The following PRDM5 variants were observed in gnomAD, a reference collection of about 807,000 sequenced individuals.
PRDM5 encodes PR/SET domain 5, also known as PR domain zinc finger protein 5.
Under a neutral mutation model 81.2 loss-of-function variants are expected in PRDM5, and 56 were observed. The observed-to-expected ratio is 0.69, with a 90% CI of 0.56 to 0.86. The LOEUF is 0.86. PRDM5 is among the 40% of genes least tolerant of loss of function. PRDM5 has a pLI of 0.00. For synonymous variants in PRDM5, 267 were observed against 256.4 expected, an observed-to-expected ratio of 1.04 and a Z score of -0.39; for missense variants, 697 against 770.1, an observed-to-expected ratio of 0.91 and a Z score of 1.12.
At chr4:120,877,005 G>T (rs1762390372) in intron 2 of PRDM5, among the ~76,000 whole-genome samples, 1 of 152,018 alleles carries the variant, frequency 6.6e-6, no homozygotes, top group African/African-American at 2.4e-5. Flanking sequence ...AACCTATCCA[G>T]AAAAATCTTA....
chr4:120,834,635 T>C (rs898401642), intron 3 of PRDM5, among the ~76,000 whole-genome samples: 2 of 152,186 alleles, frequency 1.3e-5, no homozygotes, highest in African/African-American at 2.4e-5. Flanking sequence ...TCAAATATTA[T>C]TCTGTGTGTT....
chr4:120,773,720 T>C (rs775520672), intron 13 of PRDM5, among the ~76,000 whole-genome samples: 4 of 152,216 alleles, frequency 2.6e-5, no homozygotes, highest in Non-Finnish European at 4.4e-5. Flanking sequence ...TCCACTGTAA[T>C]AACACCCAAA....
At chr4:120,879,915 A>G (rs1762679644) in intron 2 of PRDM5, among the ~76,000 whole-genome samples, 1 of 152,146 alleles carries the variant, frequency 6.6e-6, no homozygotes. Context: ...GGGGCAGTGA[A>G]ACTATTCTAT....
rs540527600 is a variant in PRDM5 at position 120,804,508 on chromosome 4, T to C, written c.946-4763A>G. 2.5e-3 allele frequency among the ~76,000 whole-genome samples: 388 copies of C among 152,194 alleles called. 1 individual carries two copies. The highest frequency in any genetic ancestry group is 9.0e-3 in the African/African-American group (372 of 41,550). The stretch of plus-strand genomic sequence containing the variant: ...AAATTATAACAAACTATCTATCAGA[T>C]CACAGTGCAATCAAACTAGAACTCA... On this transcript the variant is annotated intron_variant, in intron 8 of 15. Coordinates refer to ENST00000264808, the MANE Select transcript of PRDM5 (RefSeq NM_018699.4).
chr4:120,759,074 G>A (rs776164741), intron 13 of PRDM5, among the ~76,000 whole-genome samples: 1 of 150,414 alleles, frequency 6.6e-6, no homozygotes, highest in Non-Finnish European at 1.5e-5. Context: ...TACTCTTAAC[G>A]GTGGCAGTTA....
intron 2 of PRDM5, among the ~76,000 whole-genome samples, chr4:120,872,396 T>C (rs989380141): frequency 6.6e-6 from 1 of 152,064 alleles, no homozygotes; most frequent in Non-Finnish European, 1.5e-5. Context: ...TATTGCACAC[T>C]ACAGCACAGA....
At chr4:120,746,325 A>C (rs1219810368) in intron 14 of PRDM5, among the ~76,000 whole-genome samples, 52 of 148,412 alleles carry the variant, frequency 3.5e-4, no homozygotes, top group Admixed American at 1.1e-3. Context: ...AAAACCATAA[A>C]AACCCTAGAA....
rs1000297934 is a variant in PRDM5 at position 120,778,428 on chromosome 4, C to T, written c.1444-1147G>A. Reference sequence around the variant, plus strand: ...AAGGGGTGGGGCAATTACCTCATCACCTGACAACATCAAAGAACCATCACC... The same window carrying T: ...AAGGGGTGGGGCAATTACCTCATCATCTGACAACATCAAAGAACCATCACC... On this transcript the variant is annotated intron_variant, in intron 12 of 15. Transcript: ENST00000264808. 9.2e-5 allele frequency among the ~76,000 whole-genome samples: 14 copies of T among 152,110 alleles called. 1 individual carries two copies. The highest frequency in any genetic ancestry group is 9.2e-4 in the Admixed American group (14 of 15,260).
At chr4:120,918,635 A>AT (rs534148936) in intron 1 of PRDM5, among the ~76,000 whole-genome samples, 63,512 of 110,664 alleles carry the variant, frequency 0.57, 17,551 homozygotes, top group Non-Finnish European at 0.63. Flanking sequence ...TACGTCAGGT[A>AT]TTTTTTTTTT....
chr4:120,744,352 A>G (rs1241799417), intron 14 of PRDM5, among the ~76,000 whole-genome samples: 1 of 152,190 alleles, frequency 6.6e-6, no homozygotes, highest in Non-Finnish European at 1.5e-5. Flanking sequence ...TTGACACCCT[A>G]ACATCACAAT....
rs1172474004 is a variant in PRDM5, at chr4:120,816,540, CA to C, written c.777del (p.Asp259GlufsTer15). The C allele has an allele frequency of 6.2e-7, 1 of 1,614,052 alleles. No homozygotes were observed. The highest frequency in any genetic ancestry group is 1.3e-5 in the African/African-American group (1 of 74,940). ...CTGTCAGCCTTGCACACAAACCTGG[CA>C]TCCCCCCGGCAAGTCTCCTGGTGCT... ...FEQHQETCRG[D>X]ARFVCKADSC... On this transcript the variant is annotated frameshift_variant, in exon 7 of 16. Transcript: ENST00000264808. LOFTEE classifies it high-confidence loss of function.
intron 2 of PRDM5, chr4:120,896,714 C>T (rs1337242200): frequency 6.6e-6 from 1 of 151,358 alleles, no homozygotes; most frequent in Non-Finnish European, 1.5e-5. Flanking sequence ...GATGGAATCT[C>T]GCTCTTTCAC....
chr4:120,910,445 C>T (rs1368448755), intron 1 of PRDM5, among the ~76,000 whole-genome samples: 1 of 152,050 alleles, frequency 6.6e-6, no homozygotes, highest in Non-Finnish European at 1.5e-5. Context: ...CTACCCAATC[C>T]TTCTCTCTCT....
chr4:120,747,681 G>C (rs527633375), intron 14 of PRDM5, among the ~76,000 whole-genome samples: 1 of 152,142 alleles, frequency 6.6e-6, no homozygotes, highest in South Asian at 2.1e-4. Context: ...TGAGGATCAG[G>C]GATAAGAAAG....
intron 13 of PRDM5, among the ~76,000 whole-genome samples, chr4:120,756,957 C>A (rs971436776): frequency 2.6e-5 from 4 of 152,134 alleles, no homozygotes; most frequent in African/African-American, 9.7e-5. Flanking sequence ...CTTTGTATCA[C>A]ATAGCTTTAC....
At chr4:120,766,033 C>T (rs927813658) in intron 13 of PRDM5, among the ~76,000 whole-genome samples, 6 of 150,560 alleles carry the variant, frequency 4.0e-5, no homozygotes, top group Admixed American at 6.6e-5. Context: ...GATCTCAGCT[C>T]ACTGCAACCT....
chr4:120,869,432 A>G (rs1446078538), intron 2 of PRDM5, among the ~76,000 whole-genome samples: 2 of 152,216 alleles, frequency 1.3e-5, no homozygotes, highest in African/African-American at 4.8e-5. Flanking sequence ...TAAAAAGTTC[A>G]TTGAATTCAC....
chr4:120,762,710 T>C (rs1017200206), intron 13 of PRDM5: 4 of 152,174 alleles, frequency 2.6e-5, no homozygotes, highest in Non-Finnish European at 5.9e-5. Flanking sequence ...TCTTGGCATC[T>C]TTCTGTAATT....
Position 120,816,673 on chromosome 4 carries a change from G to A in PRDM5, c.744-99C>T, listed in dbSNP as rs947443625. On this transcript the variant is annotated intron_variant, in intron 6 of 15. Coordinates refer to ENST00000264808, the MANE Select transcript of PRDM5 (RefSeq NM_018699.4). ...ATTTTGTAATACATGCTCCCTAGTA[G>A]AGTTTCGGGGTCATTCCATGCATTA... is the stretch of plus-strand genomic sequence containing the variant. 3.8e-6 allele frequency: 6 copies of A among 1,571,700 alleles called. No homozygotes were observed. In the Admixed American group the frequency reaches 6.7e-5, roughly 18 times the overall value.
Sources: gnomAD v4.1 joint callset for allele counts (sites outside exome capture counted in the v4.1 genomes callset) on GRCh38, gnomAD v4.1.1 for gene constraint, MANE v1.5 for transcripts, NCBI Gene and HGNC (gene_info 2026-07-23, HGNC 2026-07-21) for gene names.